Variants in SUGP2 observed in about 807,000 individuals in gnomAD.
SUGP2 encodes the protein SURP and G-patch domain containing 2.
SUGP2 carries 24 observed loss-of-function variants against 90.5 expected under a neutral mutation model. That is an observed-to-expected ratio of 0.27 (90% CI 0.19 to 0.37). SUGP2 has a LOEUF of 0.37. Among genes scored for constraint, SUGP2 ranks in the 10% least tolerant of loss-of-function variants. SUGP2 has a pLI of 1.00. For missense variants in SUGP2, 1,233 were observed against 1,363.3 expected (o/e 0.90, Z 1.51); for synonymous variants, 473 against 513.4 (o/e 0.92, Z 1.06).
In SUGP2 at chr19:18,992,156, T is replaced by C. The variant is rs2057389238; in HGVS notation, c.*1585A>G. On this transcript the variant is annotated 3_prime_UTR_variant, in exon 11 of 11. Coordinates refer to ENST00000452918, the MANE Select transcript of SUGP2 (RefSeq NM_001017392.5). ...ACCTCCGCCTCCCGGGTTCAAGTGA[T>C]TCTCCTGCCTCAGCCTCCTGAGTAG... 1.3e-5 allele frequency: 2 copies of C among 152,092 alleles called. No homozygotes were observed. The highest frequency in any genetic ancestry group is 2.4e-5 in the African/African-American group (1 of 41,458). 9.4% of individuals were successfully genotyped at this position (152,092 alleles called of 1,614,324 possible).
At chr19:18,996,315 G>A (rs1197504864) in intron 8 of SUGP2, among the ~76,000 whole-genome samples, 1 of 152,198 alleles carries the variant, frequency 6.6e-6, no homozygotes, top group African/African-American at 2.4e-5. Flanking sequence ...AGAATCGCCT[G>A]AACCTGGGAG....
At chr19:19,023,550 A>G (rs1369053320) in intron 3 of SUGP2, among the ~76,000 whole-genome samples, 1 of 152,068 alleles carries the variant, frequency 6.6e-6, no homozygotes, top group Non-Finnish European at 1.5e-5. Context: ...TTCCTCAGAG[A>G]CAGTGCTCTG....
intron 8 of SUGP2, among the ~76,000 whole-genome samples, chr19:18,998,592 A>G (rs2057704142): frequency 6.6e-6 from 1 of 151,650 alleles, no homozygotes; most frequent in Non-Finnish European, 1.5e-5. Context: ...GTGTGTATGC[A>G]TGTGTGTGTG....
At chr19:19,031,824 CTT>C (rs374873309) in intron 1 of SUGP2, among the ~76,000 whole-genome samples, 10 of 138,048 alleles carry the variant, frequency 7.2e-5, no homozygotes, top group Admixed American at 1.5e-4. Context: ...TTTTATTTAT[CTT>C]TTTTTTTTTT....
chr19:19,033,506 C>T lies in SUGP2; in HGVS notation c.-81G>A, dbSNP rs1331172601. 3 of 1,405,728 alleles carry T rather than the reference C, an allele frequency of 2.1e-6. No individual in the cohort carries two copies. Among genetic ancestry groups the T allele is most frequent in the Non-Finnish European group, 2.8e-6 (3 of 1,079,086 alleles). The allele number at this position is 1,405,728 out of a possible 1,614,324, so 87.1% of individuals were successfully genotyped here. A position where few individuals can be genotyped will look rare whatever the true frequency, so the allele number is the denominator to read the frequency against. On this transcript the variant is annotated 5_prime_UTR_variant, in exon 1 of 11. Transcript: ENST00000452918. ...CTCCTCACCCGCCGCCGCCGCCGCG[C>T]GAGGCGGGGACATGCAAATGAACCA...
chr19:19,007,286 T>C (rs2145434244), intron 6 of SUGP2: 1 of 152,402 alleles, frequency 6.6e-6, no homozygotes, highest in African/African-American at 2.4e-5. Context: ...AAGTGCCTGC[T>C]GTCAGACCTG....
chr19:18,994,295 G>C, intron 10 of SUGP2, 71 bp downstream of exon 10: 1 of 1,558,572 alleles, frequency 6.4e-7, no homozygotes, highest in South Asian at 1.2e-5. Context: ...CAACTTTGTT[G>C]GGGGAAATTT....
chr19:19,005,844 AACACACACACAC>A lies in SUGP2; in HGVS notation c.2451-1210_2451-1199del, dbSNP rs67270368. Among the ~76,000 whole-genome samples, 78 of 46,470 alleles carry A rather than the reference AACACACACACAC, an allele frequency of 1.7e-3. 3 individuals carry two copies. In the Admixed American group the frequency reaches 0.017, roughly 10 times the overall value. The allele number at this position is 46,470 out of a possible 152,430, so 30.5% of individuals were successfully genotyped here. A position where few individuals can be genotyped will look rare whatever the true frequency, so the allele number is the denominator to read the frequency against. ...CAAATGCCACTATACCAGGCTAACA[AACACACACACAC>A]ACACACACACACACACACACACACA... is the stretch of plus-strand genomic sequence containing the variant. On this transcript the variant is annotated intron_variant, in intron 6 of 10. Transcript: ENST00000452918.
At chr19:18,996,953 G>A (rs538707205) in intron 8 of SUGP2, among the ~76,000 whole-genome samples, 1 of 151,522 alleles carries the variant, frequency 6.6e-6, no homozygotes, top group South Asian at 2.1e-4. Flanking sequence ...GGAGGATCAC[G>A]GGGGCTGGTG....
At chr19:19,013,089 A>AC (rs1215785603) in intron 4 of SUGP2, among the ~76,000 whole-genome samples, 1 of 150,500 alleles carries the variant, frequency 6.6e-6, no homozygotes, top group Non-Finnish European at 1.5e-5. Flanking sequence ...CTGGTCTTGA[A>AC]CTCCTGATCT....
Position 19,033,464 on chromosome 19 carries a change from CCCGCCGCCGCCTCAGGCTCCTCACCCG to C in SUGP2, c.-66_-40del. 5 of 1,401,974 alleles carry C rather than the reference CCCGCCGCCGCCTCAGGCTCCTCACCCG, an allele frequency of 3.6e-6. No individual in the cohort carries two copies. The highest frequency in any genetic ancestry group is 2.9e-5 in the Admixed American group (1 of 34,854). The allele number at this position is 1,401,974 out of a possible 1,614,324, so 86.8% of individuals were successfully genotyped here. A position where few individuals can be genotyped will look rare whatever the true frequency, so the allele number is the denominator to read the frequency against. On this transcript the variant is annotated 5_prime_UTR_variant, in exon 1 of 11. Transcript: ENST00000452918. The stretch of plus-strand genomic sequence containing the variant: ...CGAGACCACCGCGCGCGGAGCCACC[CCCGCCGCCGCCTCAGGCTCCTCACCCG>C]CCGCCGCCGCCGCGCGAGGCGGGGA...
chr19:18,994,216 C>T (rs2057478147), intron 10 of SUGP2, 150 bp downstream of exon 10: 2 of 1,075,020 alleles, frequency 1.9e-6, no homozygotes, highest in East Asian at 2.4e-5. Context: ...ATCCATAGAC[C>T]CTTTTGTTTC....
intron 5 of SUGP2, 80 bp downstream of exon 5, chr19:19,009,775 C>G: frequency 4.7e-6 from 7 of 1,497,974 alleles, no homozygotes; most frequent in Non-Finnish European, 5.3e-6. Flanking sequence ...GATTGCAGGC[C>G]CCCCCAATTC....
At chr19:19,006,770 G>A (rs1391057106) in intron 6 of SUGP2, among the ~76,000 whole-genome samples, 3 of 152,136 alleles carry the variant, frequency 2.0e-5, no homozygotes, top group African/African-American at 7.2e-5. Flanking sequence ...AAACCTGACT[G>A]TAAGCCTGGT....
chr19:19,026,059 T>C lies in SUGP2; in HGVS notation c.289A>G (p.Ile97Val), dbSNP rs768905577. The C allele has an allele frequency of 8.1e-6, 13 of 1,614,010 alleles. No homozygotes were observed. The highest frequency in any genetic ancestry group is 9.3e-6 in the Non-Finnish European group (11 of 1,180,032). ...GPSFRSSNPS[I>V]SDDSYFRKEC... is the part of the protein sequence containing the mutation. Reference sequence around the variant, plus strand: ...TTGCGAAAGTAGCTGTCATCACTGATGGAAGGGTTGCTTGATCTGAAGGAA... The same window carrying C: ...TTGCGAAAGTAGCTGTCATCACTGACGGAAGGGTTGCTTGATCTGAAGGAA... Residue 97 changes from isoleucine to valine, a missense_variant, in exon 3 of 11, where the codon ATC becomes GTC. Transcript: ENST00000452918.
At chr19:18,996,929 G>C (rs1379903468) in intron 8 of SUGP2, among the ~76,000 whole-genome samples, 6 of 152,138 alleles carry the variant, frequency 3.9e-5, no homozygotes, top group Non-Finnish European at 7.3e-5. Context: ...GAGAGGGAGG[G>C]AGGAAGGTGC....
intron 3 of SUGP2, among the ~76,000 whole-genome samples, chr19:19,021,418 T>C (rs2058724222): frequency 6.6e-6 from 1 of 151,956 alleles, no homozygotes; most frequent in African/African-American, 2.4e-5. Context: ...TTTTCATGGC[T>C]CTCTTTTTAC....
chr19:19,011,775 T>A (rs1377564281), intron 4 of SUGP2, among the ~76,000 whole-genome samples: 1 of 152,016 alleles, frequency 6.6e-6, no homozygotes, highest in Non-Finnish European at 1.5e-5. Flanking sequence ...AGCAGGTGGG[T>A]CGCTTGAGCC....
intron 4 of SUGP2, among the ~76,000 whole-genome samples, chr19:19,016,656 G>C (rs754659893): frequency 3.3e-5 from 5 of 152,134 alleles, no homozygotes; most frequent in Admixed American, 3.3e-4. Context: ...CTTACTAGTT[G>C]TGGATCCTCA....
Sources: allele counts gnomAD v4.1 joint callset (sites outside exome capture counted in the v4.1 genomes callset), GRCh38; gene constraint gnomAD v4.1.1; transcripts MANE v1.5; gene names NCBI Gene and HGNC (gene_info 2026-07-23, HGNC 2026-07-21).